The following FUT9 variants were observed in gnomAD, a reference collection of about 807,000 sequenced individuals.
FUT9 encodes 4-galactosyl-N-acetylglucosaminide 3-alpha-L-fucosyltransferase 9.
FUT9 carries 15 observed loss-of-function variants against 29.7 expected under a neutral mutation model. The observed-to-expected ratio is 0.51, with a 90% CI of 0.34 to 0.78. FUT9 has a LOEUF of 0.78. FUT9 is among the 30% of genes least tolerant of loss of function. FUT9 has a pLI of 0.01. For synonymous variants in FUT9, 169 were observed against 153.7 expected, an observed-to-expected ratio of 1.10 and a Z score of -0.74; for missense variants, 319 against 425.4, an observed-to-expected ratio of 0.75 and a Z score of 2.20.
intron 2 of FUT9, among the ~76,000 whole-genome samples, chr6:96,162,282 CA>C (rs1772926387): frequency 6.6e-6 from 1 of 152,022 alleles, no homozygotes; most frequent in African/African-American, 2.4e-5. Flanking sequence ...AATCATTGTA[CA>C]TATTTATGAA....
At chr6:96,065,314 C>G (rs1020153720) in intron 1 of FUT9, among the ~76,000 whole-genome samples, 1 of 152,256 alleles carries the variant, frequency 6.6e-6, no homozygotes, top group Middle Eastern at 3.4e-3. Flanking sequence ...AATGAACTAG[C>G]CATACAAACA....
At chr6:96,174,201 T>C (rs1773163455) in intron 2 of FUT9, among the ~76,000 whole-genome samples, 2 of 152,080 alleles carry the variant, frequency 1.3e-5, no homozygotes, top group Admixed American at 6.6e-5. Context: ...TTTTCACCAC[T>C]CCTGTAAAAT....
chr6:96,182,584 A>G (rs1040329789), intron 2 of FUT9, among the ~76,000 whole-genome samples: 13 of 151,816 alleles, frequency 8.6e-5, no homozygotes, highest in African/African-American at 3.1e-4. Context: ...ATCCATCTTG[A>G]ACTCAGGTTT....
chr6:96,090,473 C>G (rs1771393142), intron 1 of FUT9, among the ~76,000 whole-genome samples: 1 of 151,386 alleles, frequency 6.6e-6, no homozygotes, highest in African/African-American at 2.4e-5. Context: ...ATTATATCAA[C>G]TCATAATTAT....
intron 2 of FUT9, among the ~76,000 whole-genome samples, chr6:96,126,035 G>T (rs2127966968): frequency 6.6e-6 from 1 of 152,230 alleles, no homozygotes; most frequent in South Asian, 2.1e-4. Context: ...GCTGTCTTCA[G>T]GGTTGATATG....
chr6:96,136,837 T>C (rs1206059295), intron 2 of FUT9, among the ~76,000 whole-genome samples: 2 of 151,980 alleles, frequency 1.3e-5, no homozygotes, highest in African/African-American at 4.8e-5. Context: ...CAAATGCCAT[T>C]CTCAAACAAA....
chr6:96,092,911 C>A lies in FUT9; in HGVS notation c.-97-21128C>A, dbSNP rs553194673. 2.4e-3 allele frequency among the ~76,000 whole-genome samples: 363 copies of A among 152,072 alleles called. 1 individual carries two copies. Among genetic ancestry groups the A allele is most frequent in the African/African-American group, 8.6e-3 (355 of 41,474 alleles). The stretch of plus-strand genomic sequence containing the variant: ...GAGTAGTTAGGACTTCAGGTGCATG[C>A]CACCATGCCTGGCTAATTAAAAAAT... On this transcript the variant is annotated intron_variant, in intron 1 of 2. Coordinates refer to ENST00000302103, the MANE Select transcript of FUT9 (RefSeq NM_006581.4).
intron 1 of FUT9, among the ~76,000 whole-genome samples, chr6:96,069,671 G>A (rs941864580): frequency 5.4e-5 from 8 of 149,046 alleles, no homozygotes; most frequent in South Asian, 2.1e-4. Context: ...AGGCTCTGTC[G>A]CCCAGGCTGG....
At chr6:96,044,861 T>C (rs1562106211) in intron 1 of FUT9, among the ~76,000 whole-genome samples, 2 of 152,232 alleles carry the variant, frequency 1.3e-5, no homozygotes, top group Non-Finnish European at 2.9e-5. Flanking sequence ...ATGACAGGCT[T>C]AGTGTAAGTG....
chr6:96,036,990 G>C (rs552814823), intron 1 of FUT9: 1 of 152,092 alleles, frequency 6.6e-6, no homozygotes, highest in African/African-American at 2.4e-5. Context: ...ACTTTGACAA[G>C]CAAGGGTCTG....
chr6:96,176,025 G>A (rs1773196525), intron 2 of FUT9, among the ~76,000 whole-genome samples: 1 of 152,186 alleles, frequency 6.6e-6, no homozygotes, highest in African/African-American at 2.4e-5. Context: ...CTCCCTTCTG[G>A]AGCTGAGACA....
At chr6:96,023,775 G>T (rs1319535337) in intron 1 of FUT9, among the ~76,000 whole-genome samples, 1 of 151,862 alleles carries the variant, frequency 6.6e-6, no homozygotes, top group Non-Finnish European at 1.5e-5. Flanking sequence ...CAGTGCTGTT[G>T]TATTAAAACA....
chr6:96,077,903 T>C (rs990356839), intron 1 of FUT9, among the ~76,000 whole-genome samples: 3 of 152,206 alleles, frequency 2.0e-5, no homozygotes, highest in Non-Finnish European at 4.4e-5. Flanking sequence ...ATCAACTTTA[T>C]AGTCTCCATT....
chr6:96,144,889 T>G (rs1361490689), intron 2 of FUT9, among the ~76,000 whole-genome samples: 1 of 152,158 alleles, frequency 6.6e-6, no homozygotes, highest in Non-Finnish European at 1.5e-5. Flanking sequence ...AGAAAACAAA[T>G]TAAAAGAATA....
At chr6:96,143,072 G>A (rs914637228) in intron 2 of FUT9, among the ~76,000 whole-genome samples, 4 of 152,234 alleles carry the variant, frequency 2.6e-5, no homozygotes, top group South Asian at 2.1e-4. Context: ...TGGTCTGAAT[G>A]TTTGCGCCCC....
intron 2 of FUT9, among the ~76,000 whole-genome samples, chr6:96,124,153 C>CT (rs35122970): frequency 0.025 from 3,128 of 125,004 alleles, 89 homozygotes; most frequent in African/African-American, 0.055. Context: ...TTTCTTTTTT[C>CT]TTTTTTTTTT....
At chr6:96,096,575 A>G (rs1771499665) in intron 1 of FUT9, among the ~76,000 whole-genome samples, 1 of 151,358 alleles carries the variant, frequency 6.6e-6, no homozygotes, top group East Asian at 2.0e-4. Context: ...CTTTAAGTCC[A>G]CTCTCACTGC....
chr6:96,155,403 G>A (rs991319801), intron 2 of FUT9, among the ~76,000 whole-genome samples: 1 of 152,084 alleles, frequency 6.6e-6, no homozygotes. Flanking sequence ...TTAAAATAAG[G>A]CCTTTAGTGT....
In FUT9 at chr6:96,177,129, C is replaced by T. The variant is rs142753134; in HGVS notation, c.-8-26019C>T. ...GTGATACTCCTCACTTAGATCAAAC[C>T]CAGAGAACTTCCCTCAATCCTAAAT... On this transcript the variant is annotated intron_variant, in intron 2 of 2. Transcript: ENST00000302103. 2.0e-4 allele frequency among the ~76,000 whole-genome samples: 31 copies of T among 152,184 alleles called. No individual in the cohort carries two copies. In the East Asian group the frequency reaches 6.0e-3, roughly 29 times the overall value.
Sources: gnomAD v4.1 joint callset for allele counts (sites outside exome capture counted in the v4.1 genomes callset) on GRCh38, gnomAD v4.1.1 for gene constraint, MANE v1.5 for transcripts, NCBI Gene and HGNC (gene_info 2026-07-23, HGNC 2026-07-21) for gene names.